The following CTNNA1 variants were observed in gnomAD, a reference collection of about 807,000 sequenced individuals.
CTNNA1 encodes catenin alpha-1.
In CTNNA1, 37 loss-of-function variants were observed where a neutral mutation model predicts 98.4. The ratio of observed to expected loss-of-function variants is 0.38; its 90% CI spans 0.29 to 0.49. The LOEUF (loss-of-function observed/expected upper bound fraction) is 0.49, where lower values mean the gene tolerates loss of function less well. CTNNA1 is among the 20% of genes least tolerant of loss of function. CTNNA1 has a pLI of 0.95. For missense variants in CTNNA1, 761 were observed against 1,147.2 expected (o/e 0.66, Z 4.86); for synonymous variants, 404 against 413.2 (o/e 0.98, Z 0.27).
At chr5:138,779,187 C>T (rs923408033) in intron 1 of CTNNA1, among the ~76,000 whole-genome samples, 2 of 151,860 alleles carry the variant, frequency 1.3e-5, no homozygotes, top group African/African-American at 4.8e-5. Context: ...CCAGTTTTCA[C>T]CCAGTAGTTT....
At chr5:138,869,469 T>C (rs1233500375) in intron 7 of CTNNA1, 1 of 152,088 alleles carries the variant, frequency 6.6e-6, no homozygotes, top group Non-Finnish European at 1.5e-5. Flanking sequence ...GTCGCTGTAT[T>C]CCTGTATTAG....
chr5:138,852,690 T>C (rs1296872804), intron 7 of CTNNA1, among the ~76,000 whole-genome samples: 1 of 152,122 alleles, frequency 6.6e-6, no homozygotes, highest in African/African-American at 2.4e-5. Flanking sequence ...AAATGAAATT[T>C]ATATACATGC....
intron 7 of CTNNA1, among the ~76,000 whole-genome samples, chr5:138,833,043 T>C (rs1761429798): frequency 6.6e-6 from 1 of 152,238 alleles, no homozygotes; most frequent in Non-Finnish European, 1.5e-5. Context: ...TAGAATTTAT[T>C]GGAACTAAAC....
intron 8 of CTNNA1, among the ~76,000 whole-genome samples, chr5:138,887,236 A>G (rs1470021131): frequency 2.0e-5 from 3 of 152,122 alleles, no homozygotes; most frequent in African/African-American, 7.2e-5. Context: ...CCCAAGAAAA[A>G]AGGATATTGT....
intron 1 of CTNNA1, among the ~76,000 whole-genome samples, chr5:138,757,767 G>A (rs1473245393): frequency 6.6e-6 from 1 of 152,134 alleles, no homozygotes; most frequent in Non-Finnish European, 1.5e-5. Flanking sequence ...TGGCATGGAG[G>A]GCAAATTAGA....
rs759214345 is a variant in CTNNA1 at position 138,873,548 on chromosome 5, A to G, written c.1063-12664A>G. On this transcript the variant is annotated intron_variant, in intron 7 of 17. Coordinates refer to ENST00000302763, the MANE Select transcript of CTNNA1 (RefSeq NM_001903.5). This position sits in a 1 kb window ranked among gnomAD's most constrained non-coding sequence, Gnocchi z 6.1. ...TTGGGTGTGGTCAGGACTGTGGCATAGGATGGAGTGTTCCCACCGACCTTG... is the reference window on the plus strand; with the variant it reads ...TTGGGTGTGGTCAGGACTGTGGCATGGGATGGAGTGTTCCCACCGACCTTG... 6.2e-7 allele frequency: 1 copy of G among 1,613,984 alleles called. No individual in the cohort carries two copies. Among genetic ancestry groups the G allele is most frequent in the South Asian group, 1.1e-5 (1 of 91,076 alleles).
intron 17 of CTNNA1, 82 bp from the exon 18 acceptor site, chr5:138,933,720 C>T: frequency 6.9e-7 from 1 of 1,439,626 alleles, no homozygotes; most frequent in East Asian, 2.3e-5. Flanking sequence ...GAGTAGGGGG[C>T]TCCCCTTCAA....
chr5:138,852,732 C>T (rs1763313483), intron 7 of CTNNA1, among the ~76,000 whole-genome samples: 1 of 151,818 alleles, frequency 6.6e-6, no homozygotes, highest in African/African-American at 2.4e-5. Context: ...TTCCCTTCTC[C>T]TCCCTCCTTC....
rs35354499 is a variant in CTNNA1, at chr5:138,764,868, C to CTTTTTTTT, written c.-3+11373_-3+11380dup. On this transcript the variant is annotated intron_variant, in intron 1 of 17. Transcript: ENST00000302763. ...AAGCAGTAATTTGCTGTATCTCTCT[C>CTTTTTTTT]TTTTTTTTTTTTTTTTTTTTTTGAG... Among the ~76,000 whole-genome samples the CTTTTTTTT allele has an allele frequency of 3.2e-4, 27 of 84,926 alleles. 1 individual carries two copies. Among genetic ancestry groups the CTTTTTTTT allele is most frequent in the East Asian group, 8.2e-4 (2 of 2,432 alleles). The allele number at this position is 84,926 out of a possible 152,430, so 55.7% of individuals were successfully genotyped here. A position where few individuals can be genotyped will look rare whatever the true frequency, so the allele number is the denominator to read the frequency against.
chr5:138,759,980 CTTTTTTT>C (rs70982734), intron 1 of CTNNA1, among the ~76,000 whole-genome samples: 5 of 61,232 alleles, frequency 8.2e-5, no homozygotes, highest in Non-Finnish European at 1.4e-4. Context: ...AATTTCTTTC[CTTTTTTT>C]TTTTTTTTTT....
chr5:138,803,056 G>T (rs1757739141), intron 3 of CTNNA1, among the ~76,000 whole-genome samples: 1 of 151,920 alleles, frequency 6.6e-6, no homozygotes, highest in Non-Finnish European at 1.5e-5. Context: ...TCCTGCCTCA[G>T]CTTCCCAGAG....
intron 7 of CTNNA1, among the ~76,000 whole-genome samples, chr5:138,847,785 G>A (rs1344804113): frequency 6.6e-6 from 1 of 152,146 alleles, no homozygotes; most frequent in African/African-American, 2.4e-5. Context: ...TTACAAAAAG[G>A]AAACATTTGG....
intron 1 of CTNNA1, chr5:138,753,888 A>AGCCCCGCGCCGG: frequency 6.4e-6 from 1 of 156,116 alleles, no homozygotes; most frequent in Middle Eastern, 3.1e-3. Flanking sequence ...CGCGCGCGGC[A>AGCCCCGCGCCGG]GCCCCGCGCC....
chr5:138,812,437 G>A, intron 5 of CTNNA1, 135 bp downstream of exon 5: 1 of 918,736 alleles, frequency 1.1e-6, no homozygotes, highest in Non-Finnish European at 1.6e-6. Flanking sequence ...TTAAACTAAG[G>A]TGTCTTTTCA....
intron 1 of CTNNA1, among the ~76,000 whole-genome samples, chr5:138,756,250 T>C (rs1017157332): frequency 7.9e-5 from 12 of 152,052 alleles, no homozygotes; most frequent in African/African-American, 2.9e-4. Flanking sequence ...TTGGCCAGGC[T>C]GGTCTCAAAC....
chr5:138,843,376 A>G (rs1285323123), intron 7 of CTNNA1, among the ~76,000 whole-genome samples: 5 of 152,122 alleles, frequency 3.3e-5, no homozygotes, highest in Admixed American at 6.5e-5. Context: ...AGTAGGTGTT[A>G]GCATGTTAGA....
intron 7 of CTNNA1, among the ~76,000 whole-genome samples, chr5:138,858,091 A>G (rs1291976829): frequency 1.3e-5 from 2 of 151,652 alleles, no homozygotes; most frequent in Non-Finnish European, 2.9e-5. Flanking sequence ...ACCTCTAAAC[A>G]CTGTCCCATA....
intron 9 of CTNNA1, among the ~76,000 whole-genome samples, chr5:138,900,215 A>G (rs1298273848): frequency 6.6e-6 from 1 of 152,232 alleles, no homozygotes; most frequent in Non-Finnish European, 1.5e-5. Context: ...TTTAAAGAAG[A>G]AAACTCGGGT....
intron 7 of CTNNA1, among the ~76,000 whole-genome samples, chr5:138,829,789 C>T (rs1268157972): frequency 6.6e-6 from 1 of 152,152 alleles, no homozygotes; most frequent in Non-Finnish European, 1.5e-5. Context: ...CGGTGGCTCA[C>T]GCCTGTAATC....
Sources: gnomAD v4.1 joint callset for allele counts (sites outside exome capture counted in the v4.1 genomes callset) on GRCh38, gnomAD v4.1.1 for gene constraint, Gnocchi (gnomAD v3.1) non-coding constraint, MANE v1.5 for transcripts, NCBI Gene and HGNC (gene_info 2026-07-23, HGNC 2026-07-21) for gene names.